Variants in PIK3C2G observed in about 807,000 individuals in gnomAD.
PIK3C2G encodes phosphatidylinositol 3-kinase C2 domain-containing subunit gamma.
A neutral mutation model predicts 181.1 loss-of-function variants in PIK3C2G; 168 were observed. That is an observed-to-expected ratio of 0.93 (90% CI 0.82 to 1.05). The LOEUF is 1.05. Among genes scored for constraint, PIK3C2G ranks in the 50% least tolerant of loss-of-function variants. The probability of loss-of-function intolerance (pLI) is 0.00; values close to 1 mark genes in which losing one functional copy is unlikely to be tolerated. For missense variants in PIK3C2G, 1,869 were observed against 1,732.8 expected (o/e 1.08, Z -1.40); for synonymous variants, 573 against 592.2 (o/e 0.97, Z 0.47).
In PIK3C2G at chr12:18,293,885, T is replaced by A; in HGVS notation, c.920-16T>A. On this transcript the variant is annotated splice_polypyrimidine_tract_variant and intron_variant, in intron 4 of 32. Transcript: ENST00000538779. ...ATACACTTTTATTGACTTTTATTATTCCTCTTTTTCTTTAGCTAATTATCT... is the reference window on the plus strand; with the variant it reads ...ATACACTTTTATTGACTTTTATTATACCTCTTTTTCTTTAGCTAATTATCT... 1 of 1,241,918 alleles carries A rather than the reference T, an allele frequency of 8.1e-7. No homozygotes were observed. The highest frequency in any genetic ancestry group is 1.2e-6 in the Non-Finnish European group (1 of 843,006). The allele number at this position is 1,241,918 out of a possible 1,614,324, so 76.9% of individuals were successfully genotyped here. A position where few individuals can be genotyped will look rare whatever the true frequency, so the allele number is the denominator to read the frequency against.
chr12:18,543,276 G>GAA (rs1944260067), intron 25 of PIK3C2G, among the ~76,000 whole-genome samples: 1 of 151,762 alleles, frequency 6.6e-6, no homozygotes, highest in Non-Finnish European at 1.5e-5. Flanking sequence ...GTTTCTTATA[G>GAA]ACGCTGGGTA....
chr12:18,272,758 C>T (rs1004702252), intron 1 of PIK3C2G, among the ~76,000 whole-genome samples: 5 of 152,020 alleles, frequency 3.3e-5, no homozygotes, highest in African/African-American at 1.2e-4. Context: ...TATTGATGTA[C>T]CCTCATATTC....
At chr12:18,620,216 T>A (rs1948788950) in intron 31 of PIK3C2G, among the ~76,000 whole-genome samples, 1 of 152,150 alleles carries the variant, frequency 6.6e-6, no homozygotes, top group Non-Finnish European at 1.5e-5. Context: ...ATACTAGTTC[T>A]ACGAATAATT....
chr12:18,384,428 A>C (rs187328123), intron 14 of PIK3C2G, among the ~76,000 whole-genome samples: 41 of 152,242 alleles, frequency 2.7e-4, no homozygotes, highest in Admixed American at 1.4e-3. Context: ...TGTAGATATA[A>C]GTGATCTTTC....
At chr12:18,469,993 A>T (rs1938302308) in intron 18 of PIK3C2G, among the ~76,000 whole-genome samples, 2 of 151,126 alleles carry the variant, frequency 1.3e-5, no homozygotes, top group South Asian at 2.1e-4. Flanking sequence ...TTAGAGTCAT[A>T]TCTAAAGTTT....
chr12:18,488,329 G>A (rs1940246136), intron 18 of PIK3C2G, 120 bp from the exon 19 acceptor site: 2 of 505,754 alleles, frequency 4.0e-6, no homozygotes, highest in African/African-American at 4.0e-5. Flanking sequence ...ATTCTAGGTT[G>A]TTAAACTGCC....
intron 18 of PIK3C2G, among the ~76,000 whole-genome samples, chr12:18,462,045 C>T (rs7311726): frequency 0.16 from 24,322 of 152,100 alleles, 2,320 homozygotes; most frequent in African/African-American, 0.27. Context: ...TGGGTCCACC[C>T]AGGAAAATCT....
Position 18,554,337 on chromosome 12 carries a change from C to T in PIK3C2G, c.3590+7905C>T, listed in dbSNP as rs780597647. On this transcript the variant is annotated intron_variant, in intron 26 of 32. Coordinates refer to ENST00000538779, the MANE Select transcript of PIK3C2G (RefSeq NM_001288772.2). ...AGTTGAAAGACCATCATAAGAAAAA[C>T]ATCTACATGCTTATAGCTGTGTTTC... Among the ~76,000 whole-genome samples, 52 of 152,028 alleles carry T rather than the reference C, an allele frequency of 3.4e-4. 1 individual carries two copies. Among genetic ancestry groups the T allele is most frequent in the Non-Finnish European group, 4.4e-4 (30 of 67,964 alleles).
At chr12:18,567,180 T>G in intron 29 of PIK3C2G, 123 bp downstream of exon 29, 1 of 585,910 alleles carries the variant, frequency 1.7e-6, no homozygotes, top group South Asian at 2.3e-5. Context: ...GGATGATTGC[T>G]TAAAGCCAGG....
At chr12:18,257,841 AAGAAAG>A (rs1223384618), upstream of PIK3C2G, among the ~76,000 whole-genome samples, 5 of 116,220 alleles carry the variant, frequency 4.3e-5, no homozygotes, top group African/African-American at 8.8e-5. Flanking sequence ...GAGAAAGGAA[AAGAAAG>A]AGAAAGAAAG....
intron 5 of PIK3C2G, among the ~76,000 whole-genome samples, chr12:18,311,792 G>A (rs1950649294): frequency 6.6e-6 from 1 of 151,884 alleles, no homozygotes; most frequent in African/African-American, 2.4e-5. Flanking sequence ...TTATTAAGGA[G>A]TATTGACTTA....
At chr12:18,409,164 T>C (rs530810434) in intron 16 of PIK3C2G, among the ~76,000 whole-genome samples, 52 of 152,160 alleles carry the variant, frequency 3.4e-4, no homozygotes, top group African/African-American at 1.0e-3. Context: ...CCATCAATGA[T>C]AGATTAGATA....
intron 12 of PIK3C2G, among the ~76,000 whole-genome samples, chr12:18,368,728 G>A (rs1941815882): frequency 1.3e-5 from 2 of 152,068 alleles, no homozygotes; most frequent in African/African-American, 2.4e-5. Flanking sequence ...CCTGTTAGCT[G>A]CTCTATAACC....
rs939784446 is a variant in PIK3C2G, at chr12:18,320,851, A to C, written c.1138-111A>C. The stretch of plus-strand genomic sequence containing the variant: ...AGACAGAATATAAAAGCGATGAATG[A>C]GGTTTATCAAAATAGGTGAATAAAA... On this transcript the variant is annotated intron_variant, in intron 6 of 32. Transcript: ENST00000538779. 4.6e-6 allele frequency: 3 copies of C among 654,064 alleles called. No individual in the cohort carries two copies. In the African/African-American group the frequency reaches 5.6e-5, roughly 12 times the overall value. 40.5% of individuals were successfully genotyped at this position (654,064 alleles called of 1,614,324 possible).
At chr12:18,685,416 T>A in the PIK3C2G span, 17 of 189,740 alleles carry the variant, frequency 9.0e-5, no homozygotes, top group Admixed American at 8.7e-4. Flanking sequence ...TGGAGAAGAA[T>A]CATGTGTATT....
At chr12:18,544,303 G>A (rs1038166719) in intron 25 of PIK3C2G, among the ~76,000 whole-genome samples, 1 of 151,830 alleles carries the variant, frequency 6.6e-6, no homozygotes, top group African/African-American at 2.4e-5. Context: ...TTTGTGACCA[G>A]AATGAGGATT....
chr12:18,648,088 C>T lies in PIK3C2G; in HGVS notation c.*60C>T. 1 of 1,020,614 alleles carries T rather than the reference C, an allele frequency of 9.8e-7. No individual in the cohort carries two copies. 63.2% of individuals were successfully genotyped at this position (1,020,614 alleles called of 1,614,324 possible). A position where few individuals can be genotyped will look rare whatever the true frequency, so the allele number is the denominator to read the frequency against. ...ACTTGTATTTTTTTCACTTCTGGGC[C>T]TCTGAATCACATAAGTAAGGCATCT... On this transcript the variant is annotated 3_prime_UTR_variant, in exon 33 of 33. Transcript: ENST00000538779.
At chr12:18,391,099 G>T in intron 14 of PIK3C2G, 23 bp from the exon 15 acceptor site, 1 of 1,579,308 alleles carries the variant, frequency 6.3e-7, no homozygotes, top group Non-Finnish European at 8.6e-7. Flanking sequence ...TCAACACATG[G>T]CAAATCATTT....
chr12:18,657,212 T>C, the PIK3C2G span, among the ~76,000 whole-genome samples: 2 of 151,894 alleles, frequency 1.3e-5, no homozygotes, highest in Non-Finnish European at 2.9e-5. Flanking sequence ...AATAATAGAG[T>C]TGGAACAAAC....
Sources: allele counts gnomAD v4.1 joint callset (sites outside exome capture counted in the v4.1 genomes callset), GRCh38; gene constraint gnomAD v4.1.1; transcripts MANE v1.5; gene names NCBI Gene and HGNC (gene_info 2026-07-23, HGNC 2026-07-21).